The following ICOS variants were observed in gnomAD, a reference collection of about 807,000 sequenced individuals.
ICOS encodes inducible T cell costimulator, also known as inducible T-cell costimulator.
ICOS carries 15 observed loss-of-function variants against 24.6 expected under a neutral mutation model. The ratio of observed to expected loss-of-function variants is 0.61; its 90% CI spans 0.41 to 0.94. ICOS has a LOEUF of 0.94. Among genes scored for constraint, ICOS ranks in the 40% least tolerant of loss-of-function variants. ICOS has a pLI of 0.00. For synonymous variants in ICOS, 89 were observed against 77.5 expected (o/e 1.15, Z -0.78); for missense variants, 200 against 233.0 (o/e 0.86, Z 0.92).
chr2:203,942,207 A>C (rs534957333), intron 1 of ICOS, among the ~76,000 whole-genome samples: 24 of 152,338 alleles, frequency 1.6e-4, no homozygotes, highest in Non-Finnish European at 3.4e-4. Context: ...AGGACTTTGC[A>C]ACAAAGAATC....
chr2:203,937,210 A>T (rs1444289670), intron 1 of ICOS, among the ~76,000 whole-genome samples: 2 of 152,222 alleles, frequency 1.3e-5, no homozygotes, highest in Non-Finnish European at 1.5e-5. Flanking sequence ...GACTTGTGTC[A>T]ACAGAATGAA....
chr2:203,955,504 G>A, intron 1 of ICOS, 132 bp from the exon 2 acceptor site: 2 of 726,248 alleles, frequency 2.8e-6, no homozygotes, highest in Non-Finnish European at 4.8e-6. Context: ...GAGGGAGAAT[G>A]TGAAGCTGTT....
chr2:203,958,961 G>A (rs1474088832), intron 4 of ICOS, among the ~76,000 whole-genome samples: 1 of 152,156 alleles, frequency 6.6e-6, no homozygotes, highest in Non-Finnish European at 1.5e-5. Flanking sequence ...AAGGGGTGAG[G>A]GGGCAGGGAG....
At chr2:203,953,522 A>C (rs1241397784) in intron 1 of ICOS, among the ~76,000 whole-genome samples, 1 of 152,204 alleles carries the variant, frequency 6.6e-6, no homozygotes, top group African/African-American at 2.4e-5. Flanking sequence ...ATATAGGGAA[A>C]ATATAAATTG....
At position 203,941,084 on chromosome 2, in the gene ICOS, C is replaced by T. The variant is rs567502856; in HGVS notation, c.58+4212C>T. On this transcript the variant is annotated intron_variant, in intron 1 of 4. Transcript: ENST00000316386. The stretch of plus-strand genomic sequence containing the variant: ...GTGCTGGGATTACAGGCGTGAGCCA[C>T]CGCGCCCCGCTGTTCTATTAATTTA... 3.9e-5 allele frequency among the ~76,000 whole-genome samples: 6 copies of T among 152,340 alleles called. No homozygotes were observed. The East Asian group carries it at 9.6e-4, about 24-fold the overall frequency.
chr2:203,945,063 G>GAT (rs1689844977), intron 1 of ICOS, among the ~76,000 whole-genome samples: 1 of 152,080 alleles, frequency 6.6e-6, no homozygotes, highest in Non-Finnish European at 1.5e-5. Flanking sequence ...TGTCAAGCCA[G>GAT]ATATATATAT....
intron 1 of ICOS, among the ~76,000 whole-genome samples, chr2:203,941,353 T>C (rs1271523023): frequency 6.6e-6 from 1 of 152,100 alleles, no homozygotes; most frequent in African/African-American, 2.4e-5. Flanking sequence ...TCAGATGAAA[T>C]GGATATTTCA....
At chr2:203,959,545 T>C in intron 4 of ICOS, 41 bp from the exon 5 acceptor site, 2 of 1,590,152 alleles carry the variant, frequency 1.3e-6, no homozygotes, top group Non-Finnish European at 1.7e-6. Context: ...AACTGGCACA[T>C]GGAGAGCATT....
intron 1 of ICOS, among the ~76,000 whole-genome samples, chr2:203,941,416 GC>G (rs1270606704): frequency 6.6e-6 from 1 of 152,074 alleles, no homozygotes; most frequent in Non-Finnish European, 1.5e-5. Context: ...CAAAATGCAG[GC>G]ATGTAGGGGG....
intron 1 of ICOS, among the ~76,000 whole-genome samples, chr2:203,945,257 A>G (rs1183300904): frequency 6.6e-6 from 1 of 152,102 alleles, no homozygotes; most frequent in Non-Finnish European, 1.5e-5. Context: ...AAAGGTGTGG[A>G]TTGGCAATGG....
intron 1 of ICOS, among the ~76,000 whole-genome samples, chr2:203,952,992 T>C (rs1410485779): frequency 6.6e-6 from 1 of 152,174 alleles, no homozygotes; most frequent in Non-Finnish European, 1.5e-5. Context: ...ATAGTTTGCA[T>C]TTTTACTTTC....
intron 1 of ICOS, among the ~76,000 whole-genome samples, chr2:203,950,171 G>A (rs1048078213): frequency 6.6e-6 from 1 of 152,354 alleles, no homozygotes; most frequent in South Asian, 2.1e-4. Flanking sequence ...TACAGTTCTG[G>A]AGGCTGGGGC....
In ICOS at chr2:203,960,614, C is replaced by G. The variant is rs2105757828; in HGVS notation, c.*1015C>G. ...GCAAACAAAATCATCTTTAATGGGC[C>G]AGCATTCTCATGGGGTAGAGCAGAA... is the stretch of plus-strand genomic sequence containing the variant. On this transcript the variant is annotated 3_prime_UTR_variant, in exon 5 of 5. Transcript: ENST00000316386. 6.6e-6 allele frequency: 1 copy of G among 152,232 alleles called. No individual in the cohort carries two copies. Among genetic ancestry groups the G allele is most frequent in the East Asian group, 1.9e-4 (1 of 5,180 alleles). 9.4% of individuals were successfully genotyped at this position (152,232 alleles called of 1,614,324 possible).
chr2:203,954,883 A>G (rs1453353806), intron 1 of ICOS, among the ~76,000 whole-genome samples: 1 of 148,962 alleles, frequency 6.7e-6, no homozygotes, highest in Non-Finnish European at 1.5e-5. Flanking sequence ...ATAATATGTA[A>G]TATACATACA....
In ICOS at chr2:203,961,335, T is replaced by G. The variant is rs1407295613; in HGVS notation, c.*1736T>G. On this transcript the variant is annotated 3_prime_UTR_variant, in exon 5 of 5. Coordinates refer to ENST00000316386, the MANE Select transcript of ICOS (RefSeq NM_012092.4). ...TTGCACAGGTGTTCCCTGAGTTGTT[T>G]GCAGGTTTCTGTGTGTGGGGTGGGG... The G allele has an allele frequency of 1.2e-5, 2 of 172,276 alleles. No homozygotes were observed. The highest frequency in any genetic ancestry group is 2.5e-5 in the Non-Finnish European group (2 of 80,620). The allele number at this position is 172,276 out of a possible 1,614,324, so 10.7% of individuals were successfully genotyped here.
chr2:203,960,296 T>C lies in ICOS; in HGVS notation c.*697T>C, dbSNP rs913474320. ...GAGCTATGTCTTACATTCTTTCCTCTGCTGCTCAATAGTTTTATATATCTA... is the reference window on the plus strand; with the variant it reads ...GAGCTATGTCTTACATTCTTTCCTCCGCTGCTCAATAGTTTTATATATCTA... On this transcript the variant is annotated 3_prime_UTR_variant, in exon 5 of 5. Transcript: ENST00000316386. 1.9e-5 allele frequency: 3 copies of C among 155,644 alleles called. No homozygotes were observed. Among genetic ancestry groups the C allele is most frequent in the Non-Finnish European group, 2.9e-5 (2 of 70,102 alleles). The allele number at this position is 155,644 out of a possible 1,614,324, so 9.6% of individuals were successfully genotyped here. A position where few individuals can be genotyped will look rare whatever the true frequency, so the allele number is the denominator to read the frequency against.
At chr2:203,952,159 C>T (rs972105327) in intron 1 of ICOS, among the ~76,000 whole-genome samples, 2 of 152,212 alleles carry the variant, frequency 1.3e-5, no homozygotes, top group African/African-American at 4.8e-5. Context: ...ACCCCTATTT[C>T]CTTCTGATTC....
At chr2:203,947,544 T>A (rs1689895405) in intron 1 of ICOS, among the ~76,000 whole-genome samples, 1 of 152,114 alleles carries the variant, frequency 6.6e-6, no homozygotes, top group Non-Finnish European at 1.5e-5. Flanking sequence ...CTTGACCTCG[T>A]GATCCTCCTG....
At chr2:203,947,983 C>T (rs1689903183) in intron 1 of ICOS, among the ~76,000 whole-genome samples, 1 of 152,076 alleles carries the variant, frequency 6.6e-6, no homozygotes, top group African/African-American at 2.4e-5. Flanking sequence ...ATATATTGGG[C>T]AAATGTAATG....
Sources: gnomAD v4.1 joint callset for allele counts (sites outside exome capture counted in the v4.1 genomes callset) on GRCh38, gnomAD v4.1.1 for gene constraint, MANE v1.5 for transcripts, NCBI Gene and HGNC (gene_info 2026-07-23, HGNC 2026-07-21) for gene names.